FTO: variants seen among roughly 807,000 people sequenced by gnomAD.
The protein encoded by FTO is alpha-ketoglutarate-dependent dioxygenase FTO.
Under a neutral mutation model 63.9 loss-of-function variants are expected in FTO, and 47 were observed. That is an observed-to-expected ratio of 0.74 (90% CI 0.58 to 0.94). FTO has a LOEUF of 0.94. Among genes scored for constraint, FTO ranks in the 40% least tolerant of loss-of-function variants. The pLI is 0.00. For missense variants in FTO, 562 were observed against 618.1 expected, an observed-to-expected ratio of 0.91 and a Z score of 0.96; for synonymous variants, 207 against 224.4, an observed-to-expected ratio of 0.92 and a Z score of 0.69.
intron 8 of FTO, among the ~76,000 whole-genome samples, chr16:53,942,941 G>T (rs1046451063): frequency 4.6e-5 from 7 of 152,254 alleles, no homozygotes; most frequent in Non-Finnish European, 7.3e-5. Context: ...CTTGTTTGCA[G>T]TGTTGGGGTG....
intron 7 of FTO, among the ~76,000 whole-genome samples, chr16:53,931,664 G>A (rs1696931150): frequency 1.3e-5 from 2 of 152,022 alleles, no homozygotes; most frequent in African/African-American, 2.4e-5. Context: ...GAAGTAGGGT[G>A]TCACAGACAA....
chr16:54,000,250 T>C (rs1222319414), intron 8 of FTO, among the ~76,000 whole-genome samples: 1 of 152,094 alleles, frequency 6.6e-6, no homozygotes, highest in African/African-American at 2.4e-5. Flanking sequence ...GAGAAAAACA[T>C]AGGAGAAAGC....
intron 8 of FTO, among the ~76,000 whole-genome samples, chr16:53,976,079 A>G (rs1466626993): frequency 6.6e-6 from 1 of 152,142 alleles, no homozygotes; most frequent in African/African-American, 2.4e-5. Context: ...TAAAAATTTA[A>G]TGATGTCTTT....
chr16:53,877,931 C>T (rs1308813544), intron 5 of FTO, among the ~76,000 whole-genome samples: 2 of 152,066 alleles, frequency 1.3e-5, no homozygotes, highest in African/African-American at 4.8e-5. Flanking sequence ...CAATTAATAA[C>T]CTATGTAGCT....
intron 2 of FTO, among the ~76,000 whole-genome samples, chr16:53,816,865 T>C (rs2078707593): frequency 6.6e-6 from 1 of 152,240 alleles, no homozygotes; most frequent in African/African-American, 2.4e-5. Flanking sequence ...AGAGAGAAAA[T>C]AGACGTTTCG....
intron 1 of FTO, among the ~76,000 whole-genome samples, chr16:53,753,346 A>G (rs2076844796): frequency 1.3e-5 from 2 of 152,040 alleles, no homozygotes; most frequent in African/African-American, 4.8e-5. Context: ...CCAGCCCAAT[A>G]AACATGATTA....
chr16:53,727,144 C>A (rs1293015836), intron 1 of FTO, among the ~76,000 whole-genome samples: 2 of 152,108 alleles, frequency 1.3e-5, no homozygotes, highest in Non-Finnish European at 2.9e-5. Flanking sequence ...GAGGTTGAAT[C>A]TGTTGCTCCA....
At chr16:53,904,983 A>T (rs2081500328) in intron 7 of FTO, among the ~76,000 whole-genome samples, 2 of 152,010 alleles carry the variant, frequency 1.3e-5, no homozygotes, top group African/African-American at 4.8e-5. Flanking sequence ...AACTGTGATG[A>T]CTGGGGAGTG....
chr16:53,982,242 G>A (rs1168259382), intron 8 of FTO, among the ~76,000 whole-genome samples: 1 of 152,072 alleles, frequency 6.6e-6, no homozygotes, highest in Non-Finnish European at 1.5e-5. Flanking sequence ...GAAGGTGAAG[G>A]GTTGTACCCT....
At chr16:54,012,142 C>G (rs913240181) in intron 8 of FTO, among the ~76,000 whole-genome samples, 1 of 152,146 alleles carries the variant, frequency 6.6e-6, no homozygotes, top group Non-Finnish European at 1.5e-5. Flanking sequence ...GAGAAAGATC[C>G]TGCACCAAAT....
chr16:54,006,513 A>G (rs1256917419), intron 8 of FTO, among the ~76,000 whole-genome samples: 4 of 152,218 alleles, frequency 2.6e-5, no homozygotes, highest in Admixed American at 2.0e-4. Flanking sequence ...ACCCACAGTA[A>G]AGAAATAATG....
At chr16:53,809,474 C>T (rs2078463847) in intron 1 of FTO, among the ~76,000 whole-genome samples, 1 of 152,104 alleles carries the variant, frequency 6.6e-6, no homozygotes, top group Admixed American at 6.6e-5. Flanking sequence ...GCAGATTATA[C>T]AGACAGGCGT....
intron 1 of FTO, among the ~76,000 whole-genome samples, chr16:53,787,911 G>T (rs1294432118): frequency 2.6e-5 from 4 of 152,184 alleles, no homozygotes; most frequent in African/African-American, 9.7e-5. Context: ...GTGTTATGCT[G>T]ATTCTGTGTG....
At chr16:54,027,616 G>A (rs188780106) in intron 8 of FTO, among the ~76,000 whole-genome samples, 1 of 152,154 alleles carries the variant, frequency 6.6e-6, no homozygotes, top group East Asian at 1.9e-4. Flanking sequence ...AGGTCTGCTG[G>A]GTATTTCTAT....
chr16:53,991,046 AG>A (rs1369994801), intron 8 of FTO: 1 of 152,112 alleles, frequency 6.6e-6, no homozygotes, highest in African/African-American at 2.4e-5. Context: ...AGTCCTTTTC[AG>A]CACCCCAGAG....
intron 8 of FTO, among the ~76,000 whole-genome samples, chr16:53,953,807 A>T (rs551735294): frequency 4.6e-5 from 7 of 152,378 alleles, no homozygotes; most frequent in African/African-American, 1.7e-4. Flanking sequence ...TGTGGCAGAA[A>T]ATGCTGCTGG....
At chr16:53,918,136 C>A (rs1598988483) in intron 7 of FTO, among the ~76,000 whole-genome samples, 1 of 152,090 alleles carries the variant, frequency 6.6e-6, no homozygotes, top group East Asian at 1.9e-4. Context: ...CATTTTAGTT[C>A]CATTGTCTCA....
At chr16:54,064,820 A>G (rs2085679831) in intron 8 of FTO, among the ~76,000 whole-genome samples, 1 of 152,190 alleles carries the variant, frequency 6.6e-6, no homozygotes, top group African/African-American at 2.4e-5. Context: ...TCACGGGGTG[A>G]CAGGGAAGCA....
Position 53,879,826 on chromosome 16 carries a change from C to G in FTO, c.976-18C>G, listed in dbSNP as rs1032072193. The G allele has an allele frequency of 6.2e-7, 1 of 1,612,462 alleles. No individual in the cohort carries two copies. The highest frequency in any genetic ancestry group is 1.3e-5 in the African/African-American group (1 of 74,898). On this transcript the variant is annotated intron_variant, in intron 5 of 8. Coordinates refer to ENST00000471389, the MANE Select transcript of FTO (RefSeq NM_001080432.3). ...TAGATTTTGCCCATAATTGTGATTG[C>G]TGGTTCTGTCTCAACAGTGCTCAAC... is the stretch of plus-strand genomic sequence containing the variant.
Sources: allele counts gnomAD v4.1 joint callset (sites outside exome capture counted in the v4.1 genomes callset), GRCh38; gene constraint gnomAD v4.1.1; transcripts MANE v1.5; gene names NCBI Gene and HGNC (gene_info 2026-07-23, HGNC 2026-07-21).